The following XYLT1 variants were observed in gnomAD, a reference collection of about 807,000 sequenced individuals.
The protein encoded by XYLT1 is xylosyltransferase 1, also known as beta-D-xylosyltransferase 1.
A neutral mutation model predicts 91.3 loss-of-function variants in XYLT1; 36 were observed. The ratio of observed to expected loss-of-function variants is 0.39; its 90% CI spans 0.30 to 0.52. XYLT1 has a LOEUF of 0.52. Among genes scored for constraint, XYLT1 ranks in the 20% least tolerant of loss-of-function variants. XYLT1 has a pLI of 0.68. For synonymous variants in XYLT1, 588 were observed against 532.0 expected (o/e 1.11, Z -1.45); for missense variants, 1,242 against 1,284.5 (o/e 0.97, Z 0.51).
chr16:17,354,686 A>G (rs1052947579), intron 2 of XYLT1: 1 of 152,220 alleles, frequency 6.6e-6, no homozygotes, highest in Non-Finnish European at 1.5e-5. Flanking sequence ...CTCAGGGTAC[A>G]TCTGTCACCT....
chr16:17,437,117 G>A (rs756276700), intron 1 of XYLT1, among the ~76,000 whole-genome samples: 2 of 152,044 alleles, frequency 1.3e-5, no homozygotes, highest in South Asian at 2.1e-4. Context: ...GAGTGAAGCC[G>A]AGCTCTAAAC....
chr16:17,190,541 G>A (rs1170927032), intron 5 of XYLT1, among the ~76,000 whole-genome samples: 2 of 149,002 alleles, frequency 1.3e-5, no homozygotes, highest in African/African-American at 5.0e-5. Context: ...GAGAACATGT[G>A]GTGTTCGGTT....
intron 2 of XYLT1, among the ~76,000 whole-genome samples, chr16:17,337,042 T>C (rs1278819584): frequency 1.3e-5 from 2 of 152,300 alleles, no homozygotes; most frequent in East Asian, 3.9e-4. Flanking sequence ...CAAAAAAATA[T>C]TATTCAGCCC....
At chr16:17,286,130 A>T (rs2034137889) in intron 2 of XYLT1, among the ~76,000 whole-genome samples, 1 of 152,156 alleles carries the variant, frequency 6.6e-6, no homozygotes, top group South Asian at 2.1e-4. Flanking sequence ...CTCCAAACAT[A>T]CTTAGACTCA....
intron 6 of XYLT1, among the ~76,000 whole-genome samples, chr16:17,143,154 G>A (rs1294776135): frequency 6.6e-6 from 1 of 152,168 alleles, no homozygotes; most frequent in Non-Finnish European, 1.5e-5. Context: ...GACAGAGCTA[G>A]AACCAAGGCT....
intron 3 of XYLT1, among the ~76,000 whole-genome samples, chr16:17,242,323 G>C (rs962537606): frequency 3.3e-5 from 5 of 152,226 alleles, no homozygotes; most frequent in African/African-American, 1.2e-4. Context: ...AGTTAGGACA[G>C]AGACCTTCTA....
At chr16:17,357,268 C>T (rs1567390821) in intron 2 of XYLT1, among the ~76,000 whole-genome samples, 1 of 151,158 alleles carries the variant, frequency 6.6e-6, no homozygotes, top group Non-Finnish European at 1.5e-5. Context: ...GACCCTCAAC[C>T]ACAACTCTGC....
intron 1 of XYLT1, among the ~76,000 whole-genome samples, chr16:17,374,474 G>A (rs2035571633): frequency 6.6e-6 from 1 of 152,068 alleles, no homozygotes; most frequent in African/African-American, 2.4e-5. Flanking sequence ...AGGTACTTCT[G>A]AAAACCAACT....
intron 2 of XYLT1, among the ~76,000 whole-genome samples, chr16:17,314,187 C>T (rs1027421503): frequency 1.3e-5 from 2 of 152,180 alleles, no homozygotes; most frequent in Admixed American, 1.3e-4. Context: ...ATCAGGAGAT[C>T]CTAGAGAAAG....
At chr16:17,403,409 GGT>G (rs2035992553) in intron 1 of XYLT1, 1 of 152,234 alleles carries the variant, frequency 6.6e-6, no homozygotes, top group Non-Finnish European at 1.5e-5. Context: ...CCAGAGACTG[GGT>G]AATTTATCAA....
intron 2 of XYLT1, among the ~76,000 whole-genome samples, chr16:17,280,915 A>G (rs566799277): frequency 9.2e-5 from 14 of 152,280 alleles, no homozygotes; most frequent in African/African-American, 2.9e-4. Flanking sequence ...TAGTTCACCA[A>G]TTCTCAGCCT....
At chr16:17,359,031 T>C (rs1596501719) in intron 1 of XYLT1, among the ~76,000 whole-genome samples, 1 of 151,830 alleles carries the variant, frequency 6.6e-6, no homozygotes, top group African/African-American at 2.4e-5. Context: ...ACAGGGAGGG[T>C]ACAGGAGGAG....
rs1255877395 is a variant in XYLT1, at chr16:17,104,895, CTATGCTAG to C, written c.*3792_*3799del. ...GCCTCACACCAACCATTTCACGCAT[CTATGCTAG>C]TATTCTGGGCCCCATAAACATTTGT... On this transcript the variant is annotated 3_prime_UTR_variant, in exon 12 of 12. Transcript: ENST00000261381. 2.0e-5 allele frequency: 3 copies of C among 152,276 alleles called. No homozygotes were observed. In the South Asian group the frequency reaches 6.2e-4, roughly 32 times the overall value. 9.4% of individuals were successfully genotyped at this position (152,276 alleles called of 1,614,324 possible). A position where few individuals can be genotyped will look rare whatever the true frequency, so the allele number is the denominator to read the frequency against.
chr16:17,155,005 A>G (rs1415761736), intron 6 of XYLT1, among the ~76,000 whole-genome samples: 2 of 152,236 alleles, frequency 1.3e-5, no homozygotes, highest in African/African-American at 4.8e-5. Flanking sequence ...CAGAATGGGA[A>G]GGGAATTTGG....
At position 17,259,001 on chromosome 16, in the gene XYLT1, G is replaced by C; in HGVS notation, c.900C>G (p.Phe300Leu). Reference protein sequence around the residue: ...GLLMPEKVTRFCPLEGKANKN... With the variant: ...GLLMPEKVTRLCPLEGKANKN... ...GTTGGAACTTACCCTCGAGGGGGCA[G>C]AACCGAGTCACCTTCTCAGGCATCA... Residue 300 changes from phenylalanine (F) to leucine (L), a missense_variant, in exon 3 of 12, where the codon TTC (phenylalanine) becomes TTG (leucine). Phe to Leu is a conservative substitution (Grantham distance 22). Transcript: ENST00000261381. The C allele has an allele frequency of 2.0e-6, 3 of 1,505,550 alleles. No individual in the cohort carries two copies. Among genetic ancestry groups the C allele is most frequent in the Non-Finnish European group, 2.7e-6 (3 of 1,126,882 alleles). The allele number at this position is 1,505,550 out of a possible 1,614,324, so 93.3% of individuals were successfully genotyped here.
intron 11 of XYLT1, among the ~76,000 whole-genome samples, chr16:17,111,847 G>A (rs766161219): frequency 2.6e-5 from 4 of 152,180 alleles, no homozygotes; most frequent in African/African-American, 7.2e-5. Context: ...TCCCACGGTA[G>A]TTAGGAGCCA....
intron 6 of XYLT1, among the ~76,000 whole-genome samples, chr16:17,152,105 G>GA: frequency 6.6e-6 from 1 of 152,314 alleles, no homozygotes; most frequent in East Asian, 1.9e-4. Context: ...GCATAGCCTT[G>GA]ATAGATGGTT....
rs374031194 is a variant in XYLT1 at position 17,390,086 on chromosome 16, GA to G, written c.364-32037del. On this transcript the variant is annotated intron_variant, in intron 1 of 11. Coordinates refer to ENST00000261381, the MANE Select transcript of XYLT1 (RefSeq NM_022166.4). ...AGCATCTCCTCACAAAGCAGCAGGA[GA>G]GGGGAATAAAACGTCAGGGAAGTCA... is the stretch of plus-strand genomic sequence containing the variant. Among the ~76,000 whole-genome samples the G allele has an allele frequency of 2.0e-3, 306 of 152,296 alleles. 4 individuals carry two copies. Among genetic ancestry groups the G allele is most frequent in the South Asian group, 0.013 (61 of 4,824 alleles).
intron 1 of XYLT1, among the ~76,000 whole-genome samples, chr16:17,395,899 A>G (rs530269148): frequency 5.3e-5 from 8 of 152,284 alleles, no homozygotes; most frequent in African/African-American, 1.9e-4. Flanking sequence ...GACTCTGTTC[A>G]CCATTCCTAC....
Sources: allele counts gnomAD v4.1 joint callset (sites outside exome capture counted in the v4.1 genomes callset), GRCh38; gene constraint gnomAD v4.1.1; transcripts MANE v1.5; gene names NCBI Gene and HGNC (gene_info 2026-07-23, HGNC 2026-07-21).